TERB1: variants seen among roughly 807,000 people sequenced by gnomAD.
TERB1 encodes the protein telomere repeat binding bouquet formation protein 1.
Under a neutral mutation model 92.3 loss-of-function variants are expected in TERB1, and 63 were observed. That is an observed-to-expected ratio of 0.68 (90% CI 0.56 to 0.84). TERB1 has a LOEUF of 0.84. Ranked by LOEUF, TERB1 falls within the 40% of genes least tolerant of loss-of-function variation. The probability of loss-of-function intolerance (pLI) is 0.00; values close to 1 mark genes in which losing one functional copy is unlikely to be tolerated. For synonymous variants in TERB1, 252 were observed against 283.9 expected, an observed-to-expected ratio of 0.89 and a Z score of 1.13; for missense variants, 709 against 843.7, an observed-to-expected ratio of 0.84 and a Z score of 1.98.
In TERB1 at chr16:66,789,486, A is replaced by C. The variant is rs1440481382; in HGVS notation, c.271+1109T>G. Among the ~76,000 whole-genome samples, 5 of 68,720 alleles carry C rather than the reference A, an allele frequency of 7.3e-5. 1 individual carries two copies. In the Admixed American group the frequency reaches 8.3e-4, roughly 11 times the overall value. 45.1% of individuals were successfully genotyped at this position (68,720 alleles called of 152,430 possible). On this transcript the variant is annotated intron_variant, in intron 5 of 18. Coordinates refer to ENST00000433154, the MANE Select transcript of TERB1 (RefSeq NM_001136505.2). ...GTAGTCCCAGCTACTCGGGAGGCTG[A>C]GGCAGGAGAATGGCGTGAACCTGGG...
At chr16:66,773,360 AT>A (rs2018487768) in intron 12 of TERB1, among the ~76,000 whole-genome samples, 1 of 151,018 alleles carries the variant, frequency 6.6e-6, no homozygotes. Flanking sequence ...TTTTAAAAAA[AT>A]AATGTTCAAA....
intron 2 of TERB1, among the ~76,000 whole-genome samples, chr16:66,797,514 G>A (rs1189926872): frequency 2.1e-5 from 3 of 144,198 alleles, no homozygotes; most frequent in Non-Finnish European, 4.6e-5. Flanking sequence ...TGAGATTACA[G>A]GTGTGAGCTC....
At chr16:66,793,786 T>TA (rs1325550692) in intron 3 of TERB1, among the ~76,000 whole-genome samples, 4 of 152,304 alleles carry the variant, frequency 2.6e-5, no homozygotes, top group African/African-American at 9.6e-5. Flanking sequence ...GTGTTGGGAT[T>TA]ACAGACCTGA....
chr16:66,769,689 T>G (rs2018410161), intron 14 of TERB1, among the ~76,000 whole-genome samples: 1 of 152,232 alleles, frequency 6.6e-6, no homozygotes, highest in Non-Finnish European at 1.5e-5. Flanking sequence ...AATTCAAATC[T>G]GTTACGCCAC....
Position 66,754,642 on chromosome 16 carries a change from C to T in TERB1, c.*334G>A, listed in dbSNP as rs2018106283. On this transcript the variant is annotated 3_prime_UTR_variant, in exon 19 of 19. Transcript: ENST00000433154. ...ATAAAAATACTAAAATCCAAATGTC[C>T]CACATAGTATTTATTGCAATATAAT... 1.4e-5 allele frequency: 3 copies of T among 213,146 alleles called. No individual in the cohort carries two copies. The highest frequency in any genetic ancestry group is 5.8e-5 in the Admixed American group (1 of 17,158). The allele number at this position is 213,146 out of a possible 1,614,324, so 13.2% of individuals were successfully genotyped here.
chr16:66,775,021 G>A (rs752872501), intron 12 of TERB1, 97 bp downstream of exon 12: 2 of 1,283,604 alleles, frequency 1.6e-6, no homozygotes, highest in Non-Finnish European at 2.1e-6. Context: ...AATGTAAGAA[G>A]AATCTGAGAG....
intron 2 of TERB1, among the ~76,000 whole-genome samples, chr16:66,798,012 C>T (rs1485605310): frequency 6.6e-6 from 1 of 150,960 alleles, no homozygotes; most frequent in African/African-American, 2.4e-5. Context: ...TATTCCAACA[C>T]TATGTTGTTA....
intron 2 of TERB1, among the ~76,000 whole-genome samples, chr16:66,800,452 G>A (rs1209150317): frequency 7.0e-6 from 1 of 142,794 alleles, no homozygotes; most frequent in Non-Finnish European, 1.5e-5. Flanking sequence ...GTGCAGTGGC[G>A]CCATCTTGGC....
chr16:66,781,609 T>C (rs2018638602), intron 9 of TERB1, among the ~76,000 whole-genome samples: 1 of 145,192 alleles, frequency 6.9e-6, no homozygotes, highest in Admixed American at 7.2e-5. Context: ...AAGCTCCACC[T>C]CCTGGGTTCA....
intron 2 of TERB1, among the ~76,000 whole-genome samples, chr16:66,798,685 T>C (rs989087340): frequency 2.0e-5 from 3 of 152,186 alleles, no homozygotes; most frequent in African/African-American, 7.2e-5. Flanking sequence ...AAACATAAAA[T>C]AAGACTGGCT....
In TERB1 at chr16:66,771,105, A is replaced by G. The variant is rs556280305; in HGVS notation, c.1273-796T>C. 2.0e-5 allele frequency among the ~76,000 whole-genome samples: 3 copies of G among 152,336 alleles called. No individual in the cohort carries two copies. In the South Asian group the frequency reaches 6.2e-4, roughly 32 times the overall value. On this transcript the variant is annotated intron_variant, in intron 13 of 18. Transcript: ENST00000433154. ...AAAATAACATTTATAAAAAGCTACT[A>G]TAATGAAATATGAAAAAAGATCAAC...
chr16:66,797,803 C>T (rs904609665), intron 2 of TERB1, among the ~76,000 whole-genome samples: 4 of 152,134 alleles, frequency 2.6e-5, no homozygotes, highest in Non-Finnish European at 5.9e-5. Context: ...CCACCTCAGC[C>T]TCTCAAAGTG....
At chr16:66,776,716 G>A (rs908087958) in intron 11 of TERB1, among the ~76,000 whole-genome samples, 1 of 151,942 alleles carries the variant, frequency 6.6e-6, no homozygotes. Flanking sequence ...GTAGAGAGGA[G>A]GAGGAAAATA....
At chr16:66,785,958 T>C in intron 8 of TERB1, 50 bp from the exon 9 acceptor site, 3 of 1,527,556 alleles carry the variant, frequency 2.0e-6, no homozygotes, top group South Asian at 1.3e-5. Context: ...TTGGAAAATA[T>C]CAGTTTTCAT....
At chr16:66,763,130 T>C (rs978418559) in intron 16 of TERB1, among the ~76,000 whole-genome samples, 10 of 151,448 alleles carry the variant, frequency 6.6e-5, no homozygotes, top group Admixed American at 6.6e-4. Context: ...CCAAATAAGG[T>C]TCATCATTAC....
intron 13 of TERB1, among the ~76,000 whole-genome samples, chr16:66,771,650 C>T (rs946112653): frequency 3.9e-5 from 4 of 102,692 alleles, no homozygotes; most frequent in African/African-American, 9.4e-5. Flanking sequence ...CACACACACA[C>T]ACACACACAC....
chr16:66,799,615 T>C (rs1302169191), intron 2 of TERB1, among the ~76,000 whole-genome samples: 3 of 152,208 alleles, frequency 2.0e-5, no homozygotes, highest in Non-Finnish European at 4.4e-5. Context: ...GTTTTTATAC[T>C]TTTTTCTTAT....
At chr16:66,762,202 A>G (rs1279769850) in intron 16 of TERB1, among the ~76,000 whole-genome samples, 1 of 152,202 alleles carries the variant, frequency 6.6e-6, no homozygotes, top group African/African-American at 2.4e-5. Flanking sequence ...GAACTCCCAT[A>G]TATCTATCAC....
At chr16:66,793,470 G>A (rs954032488) in intron 3 of TERB1, among the ~76,000 whole-genome samples, 5 of 151,376 alleles carry the variant, frequency 3.3e-5, no homozygotes, top group Admixed American at 6.6e-5. Flanking sequence ...CACCTGCTTC[G>A]GCCTCCCAAA....
Sources: allele counts gnomAD v4.1 joint callset (sites outside exome capture counted in the v4.1 genomes callset), GRCh38; gene constraint gnomAD v4.1.1; transcripts MANE v1.5; gene names NCBI Gene and HGNC (gene_info 2026-07-23, HGNC 2026-07-21).